The following NAV3 variants were observed in gnomAD, a reference collection of about 807,000 sequenced individuals.
The protein encoded by NAV3 is pore membrane and/or filament interacting like protein 1.
In NAV3, 87 loss-of-function variants were observed where a neutral mutation model predicts 244.7. The observed-to-expected ratio is 0.36, with a 90% CI of 0.30 to 0.42. The LOEUF is 0.42. NAV3 is among the 20% of genes least tolerant of loss of function. The pLI, the probability that NAV3 is intolerant of heterozygous loss-of-function variation, is 1.00. For synonymous variants in NAV3, 1,126 were observed against 1,042.2 expected, an observed-to-expected ratio of 1.08 and a Z score of -1.55; for missense variants, 2,663 against 2,893.3, an observed-to-expected ratio of 0.92 and a Z score of 1.83.
At chr12:77,925,629 G>T (rs1284653790) in intron 1 of NAV3, among the ~76,000 whole-genome samples, 1 of 152,104 alleles carries the variant, frequency 6.6e-6, no homozygotes, top group Non-Finnish European at 1.5e-5. Context: ...TATTTGAGCA[G>T]CATCGCTTTG....
chr12:77,724,683 G>A (rs1032723807), intron 2 of NAV3, among the ~76,000 whole-genome samples: 1 of 151,582 alleles, frequency 6.6e-6, no homozygotes, highest in East Asian at 1.9e-4. Context: ...TTTTCATATG[G>A]TATCAATATC....
At chr12:78,114,256 A>G (rs1483703269) in intron 12 of NAV3, among the ~76,000 whole-genome samples, 1 of 152,106 alleles carries the variant, frequency 6.6e-6, no homozygotes, top group African/African-American at 2.4e-5. Flanking sequence ...GAGGCCTCCA[A>G]ACTGTTCCAA....
chr12:77,865,152 G>T (rs368679119), intron 1 of NAV3, among the ~76,000 whole-genome samples: 2 of 151,988 alleles, frequency 1.3e-5, no homozygotes, highest in Non-Finnish European at 2.9e-5. Flanking sequence ...TGTTTATTAC[G>T]TTAGCTTCAT....
intron 5 of NAV3, among the ~76,000 whole-genome samples, chr12:77,977,712 GCACACA>G (rs540138192): frequency 3.1e-4 from 44 of 143,076 alleles, no homozygotes; most frequent in African/African-American, 7.1e-4. Flanking sequence ...ACACACACGC[GCACACA>G]CACACACACA....
intron 1 of NAV3, among the ~76,000 whole-genome samples, chr12:77,833,237 G>C (rs1341069833): frequency 3.3e-5 from 5 of 152,214 alleles, no homozygotes; most frequent in Non-Finnish European, 7.4e-5. Context: ...GGCAGGTCTC[G>C]TATCTTATCC....
In NAV3 at chr12:78,190,149, T is replaced by C; in HGVS notation, c.6221T>C (p.Ile2074Thr). Residue 2074 changes from isoleucine (I) to threonine (T), a missense_variant, in exon 34 of 40, where the codon ATA (isoleucine) becomes ACA (threonine). Physicochemically the swap from Ile to Thr is moderately conservative, Grantham distance 89. Coordinates refer to ENST00000397909, the MANE Select transcript of NAV3 (RefSeq NM_001024383.2). ...GCAAACAAACTTGCTGAATATGTAA[T>C]AACCAAATCTGGAAGGAAAAAAACA... ...YLANKLAEYV[I>T]TKSGRKKTED... The C allele has an allele frequency of 6.2e-7, 1 of 1,612,922 alleles. No homozygotes were observed.
At chr12:78,169,274 A>G (rs1454942642) in intron 24 of NAV3, among the ~76,000 whole-genome samples, 3 of 151,794 alleles carry the variant, frequency 2.0e-5, no homozygotes, top group Non-Finnish European at 4.4e-5. Context: ...CAATATGATG[A>G]TATAGTAAGC....
intron 9 of NAV3, among the ~76,000 whole-genome samples, chr12:78,042,652 A>G (rs1327484980): frequency 6.6e-6 from 1 of 152,126 alleles, no homozygotes; most frequent in Non-Finnish European, 1.5e-5. Flanking sequence ...TTAGCCGGGC[A>G]TGGTGGCGAG....
intron 6 of NAV3, among the ~76,000 whole-genome samples, chr12:77,997,539 C>T (rs1872569165): frequency 6.6e-6 from 1 of 152,172 alleles, no homozygotes; most frequent in African/African-American, 2.4e-5. Context: ...TCCTCATATC[C>T]TGTCCTTCAT....
intron 23 of NAV3, among the ~76,000 whole-genome samples, chr12:78,163,567 C>CA (rs1395336220): frequency 1.3e-5 from 2 of 151,196 alleles, no homozygotes; most frequent in South Asian, 4.2e-4. Flanking sequence ...GACTGCATCT[C>CA]AAAAAAATAA....
At chr12:77,590,360 A>G (rs1329138854) in intron 2 of NAV3, among the ~76,000 whole-genome samples, 2 of 152,200 alleles carry the variant, frequency 1.3e-5, no homozygotes, top group African/African-American at 4.8e-5. Flanking sequence ...GAATGAAGTT[A>G]AGATCCCCAC....
Position 78,181,821 on chromosome 12 carries a change from G to T in NAV3, c.5692+776G>T, listed in dbSNP as rs934600729. Among the ~76,000 whole-genome samples, 10 of 152,058 alleles carry T rather than the reference G, an allele frequency of 6.6e-5. 1 individual carries two copies. Among genetic ancestry groups the T allele is most frequent in the Admixed American group, 5.9e-4 (9 of 15,212 alleles). ...CATTATAGAATGGAGATAGTACACT[G>T]CTTGCCTTAAATCATATTAAAATAC... On this transcript the variant is annotated intron_variant, in intron 30 of 39. Transcript: ENST00000397909.
At chr12:77,656,538 A>G (rs1418593124) in intron 2 of NAV3, among the ~76,000 whole-genome samples, 1 of 122,300 alleles carries the variant, frequency 8.2e-6, no homozygotes, top group Non-Finnish European at 1.6e-5. Context: ...TGTCAACATT[A>G]GACAGATCAA....
At chr12:78,019,013 C>G (rs2619055) in intron 8 of NAV3, among the ~76,000 whole-genome samples, 73,418 of 151,888 alleles carry the variant, frequency 0.48, 18,296 homozygotes, top group Non-Finnish European at 0.53. Context: ...AAAGAAACAG[C>G]CTACACAAAG....
At chr12:78,083,175 G>C (rs1953449053) in intron 12 of NAV3, among the ~76,000 whole-genome samples, 1 of 152,174 alleles carries the variant, frequency 6.6e-6, no homozygotes, top group Non-Finnish European at 1.5e-5. Flanking sequence ...GCATCACATG[G>C]TGAGGGGCAG....
intron 2 of NAV3, among the ~76,000 whole-genome samples, chr12:77,620,533 G>T (rs569726377): frequency 2.4e-4 from 36 of 151,986 alleles, no homozygotes; most frequent in African/African-American, 8.0e-4. Context: ...TGCGATCTCG[G>T]CTCACTGCAA....
intron 2 of NAV3, among the ~76,000 whole-genome samples, chr12:77,808,374 T>G (rs1247756432): frequency 1.3e-5 from 2 of 152,264 alleles, no homozygotes; most frequent in East Asian, 3.9e-4. Flanking sequence ...TGGACATCCT[T>G]TTTGTTGGTT....
intron 14 of NAV3, 60 bp downstream of exon 14, chr12:78,118,357 A>G: frequency 6.6e-7 from 1 of 1,524,524 alleles, no homozygotes; most frequent in Middle Eastern, 1.8e-4. Flanking sequence ...TTTCCATTCA[A>G]TCTTTGTTTT....
intron 2 of NAV3, among the ~76,000 whole-genome samples, chr12:77,820,907 A>G (rs143491957): frequency 1.9e-4 from 29 of 152,324 alleles, no homozygotes; most frequent in African/African-American, 6.3e-4. Flanking sequence ...ACAAAATAAT[A>G]GAAGAGTCAT....
Sources: allele counts gnomAD v4.1 joint callset (sites outside exome capture counted in the v4.1 genomes callset), GRCh38; gene constraint gnomAD v4.1.1; transcripts MANE v1.5; gene names NCBI Gene and HGNC (gene_info 2026-07-23, HGNC 2026-07-21).